Variants in ST3GAL3 observed in about 807,000 individuals in gnomAD.
ST3GAL3 encodes CMP-N-acetylneuraminate-beta-1,4-galactoside alpha-2,3-sialyltransferase.
In ST3GAL3, 21 loss-of-function variants were observed where a neutral mutation model predicts 50.1. The ratio of observed to expected loss-of-function variants is 0.42; its 90% confidence interval spans 0.30 to 0.60. The LOEUF (loss-of-function observed/expected upper bound fraction) is 0.60, where lower values mean the gene tolerates loss of function less well. Ranked by LOEUF, ST3GAL3 falls within the 20% of genes least tolerant of loss-of-function variation. The probability of loss-of-function intolerance (pLI) is 0.19; values close to 1 mark genes in which losing one functional copy is unlikely to be tolerated. For missense variants in ST3GAL3, 353 were observed against 489.4 expected (o/e 0.72, Z 2.63); for synonymous variants, 183 against 190.0 (o/e 0.96, Z 0.30).
At chr1:43,769,947 G>A (rs557547763) in intron 2 of ST3GAL3, among the ~76,000 whole-genome samples, 17 of 152,122 alleles carry the variant, frequency 1.1e-4, no homozygotes, top group Admixed American at 2.6e-4. Context: ...ATAAAGAAGC[G>A]AGTACAGAAT....
At chr1:43,783,661 A>G (rs2154144562) in intron 2 of ST3GAL3, among the ~76,000 whole-genome samples, 1 of 152,276 alleles carries the variant, frequency 6.6e-6, no homozygotes, top group African/African-American at 2.4e-5. Context: ...TCAGCAGCAC[A>G]TGCCTAGTTC....
At chr1:43,728,862 C>CGT (rs1457686224) in intron 1 of ST3GAL3, among the ~76,000 whole-genome samples, 15 of 151,906 alleles carry the variant, frequency 9.9e-5, no homozygotes, top group Non-Finnish European at 1.5e-4. Flanking sequence ...CACATATGTA[C>CGT]ATATACACAC....
At chr1:43,848,052 G>A (rs533500879) in intron 5 of ST3GAL3, among the ~76,000 whole-genome samples, 29 of 152,164 alleles carry the variant, frequency 1.9e-4, no homozygotes, top group African/African-American at 6.5e-4. Context: ...TTTTAAAAAT[G>A]TTTTGGCTAG....
At chr1:43,808,467 G>GA (rs538987721) in intron 3 of ST3GAL3, among the ~76,000 whole-genome samples, 83 of 151,884 alleles carry the variant, frequency 5.5e-4, no homozygotes, top group African/African-American at 1.9e-3. Flanking sequence ...AAACGACTGA[G>GA]AAAAAAACAG....
rs553120567 is a variant in ST3GAL3, at chr1:43,930,172, G to A, written c.1079G>A (p.Arg360Gln). The A allele has an allele frequency of 3.5e-4, 563 of 1,614,142 alleles. 3 individuals are homozygous for A. In the South Asian group the frequency reaches 4.8e-3, roughly 14 times the overall value. ...ATCCAGCGAGAGAAAGAGTTTCTGC[G>A]GAAGCTGGTGAAAGCTCGCGTCATC... ...HNIQREKEFL[R>Q]KLVKARVITD... is the part of the protein sequence containing the mutation. The change falls in exon 12 of 12, where the codon CGG becomes CAG. Residue 360 changes from arginine (R) to glutamine (Q), a missense_variant. Arg to Gln is a conservative substitution (Grantham distance 43, BLOSUM62 1). Coordinates refer to ENST00000347631, the MANE Select transcript of ST3GAL3 (RefSeq NM_006279.5).
chr1:43,711,591 C>G (rs1664797734), intron 1 of ST3GAL3, among the ~76,000 whole-genome samples: 1 of 152,194 alleles, frequency 6.6e-6, no homozygotes, highest in Non-Finnish European at 1.5e-5. Flanking sequence ...CAAACATTGA[C>G]AGTAGCAAGA....
chr1:43,852,438 G>A (rs1558581314), intron 5 of ST3GAL3, among the ~76,000 whole-genome samples: 1 of 152,130 alleles, frequency 6.6e-6, no homozygotes, highest in Non-Finnish European at 1.5e-5. Flanking sequence ...CTCACACATA[G>A]CTTTGTTATT....
In ST3GAL3 at chr1:43,773,056, A is replaced by AT. The variant is rs1437241397; in HGVS notation, c.119-19039dup. Among the ~76,000 whole-genome samples the AT allele has an allele frequency of 4.6e-5, 7 of 152,238 alleles. No individual in the cohort carries two copies. The East Asian group carries it at 1.2e-3, about 25-fold the overall frequency. ...GCCACCTCGCCAGGCCTATTCTCAA[A>AT]TTTTTTTAAAAAAATCACTCTATTT... On this transcript the variant is annotated intron_variant, in intron 2 of 11. Coordinates refer to ENST00000347631, the MANE Select transcript of ST3GAL3 (RefSeq NM_006279.5).
intron 3 of ST3GAL3, among the ~76,000 whole-genome samples, chr1:43,804,372 T>A (rs2059644845): frequency 6.6e-6 from 1 of 152,150 alleles, no homozygotes; most frequent in Non-Finnish European, 1.5e-5. Flanking sequence ...TTCCTAAAGA[T>A]GATGCTTAAA....
chr1:43,917,591 A>AT (rs2082168647), intron 9 of ST3GAL3, among the ~76,000 whole-genome samples: 2 of 44,970 alleles, frequency 4.4e-5, no homozygotes, highest in South Asian at 1.4e-3. Context: ...CGTATTATAT[A>AT]TAATATATAT....
intron 1 of ST3GAL3, among the ~76,000 whole-genome samples, chr1:43,735,681 C>T (rs1453154103): frequency 6.6e-6 from 1 of 152,194 alleles, no homozygotes; most frequent in East Asian, 1.9e-4. Context: ...CTGAGCCTCA[C>T]CATATCCAGA....
At chr1:43,894,137 C>T (rs1176605034) in intron 5 of ST3GAL3, 1 of 525,792 alleles carries the variant, frequency 1.9e-6, no homozygotes, top group East Asian at 3.5e-5. Flanking sequence ...CAAATCTTGT[C>T]TCTCCACTCC....
At chr1:43,738,724 C>T (rs572552960) in intron 2 of ST3GAL3, 3 of 152,358 alleles carry the variant, frequency 2.0e-5, no homozygotes, top group Admixed American at 6.5e-5. Flanking sequence ...TCTCAAACTC[C>T]TGGGCTCAAG....
At chr1:43,901,259 C>CA (rs1400193125) in intron 9 of ST3GAL3, among the ~76,000 whole-genome samples, 2 of 152,234 alleles carry the variant, frequency 1.3e-5, no homozygotes, top group African/African-American at 4.8e-5. Context: ...GGGCACCTGT[C>CA]ACAGCCTCCC....
intron 2 of ST3GAL3, among the ~76,000 whole-genome samples, chr1:43,761,732 C>G (rs1690435999): frequency 6.6e-6 from 1 of 151,430 alleles, no homozygotes; most frequent in South Asian, 2.1e-4. Flanking sequence ...GGGCGGATCA[C>G]GAGGTCAGGA....
In ST3GAL3 at chr1:43,899,785, A is replaced by G. The variant is rs783304; in HGVS notation, c.744+58A>G. ...TTGCCCTGGGCTTCCGCAACTCCTA[A>G]GCAATCCCGCCCCTTGAATGCAGCA... On this transcript the variant is annotated intron_variant, in intron 9 of 11. Transcript: ENST00000347631. This position sits in a 1 kb window ranked among gnomAD's most constrained non-coding sequence, Gnocchi z 5.4. 0.17 allele frequency: 257,071 copies of G among 1,501,974 alleles called. 26,416 individuals carry two copies. The highest frequency in any genetic ancestry group is 0.43 in the African/African-American group (31,167 of 72,886). 93.0% of individuals were successfully genotyped at this position (1,501,974 alleles called of 1,614,324 possible).
At chr1:43,772,219 T>C (rs1051554403) in intron 2 of ST3GAL3, 2 of 388,916 alleles carry the variant, frequency 5.1e-6, no homozygotes, top group African/African-American at 2.1e-5. Context: ...CTGGCTAATT[T>C]TGATTTTTAG....
chr1:43,881,286 C>T (rs1248991435), intron 5 of ST3GAL3, among the ~76,000 whole-genome samples: 5 of 152,258 alleles, frequency 3.3e-5, no homozygotes, highest in African/African-American at 1.2e-4. Context: ...GTTGGGATTA[C>T]AGGCGTGAGC....
intron 2 of ST3GAL3, among the ~76,000 whole-genome samples, chr1:43,739,538 T>C (rs1489140761): frequency 6.6e-6 from 1 of 152,208 alleles, no homozygotes; most frequent in African/African-American, 2.4e-5. Context: ...TTTATTATTA[T>C]ATTATTCATT....
Sources: gnomAD v4.1 joint callset for allele counts (sites outside exome capture counted in the v4.1 genomes callset) on GRCh38, gnomAD v4.1.1 for gene constraint, Gnocchi (gnomAD v3.1) non-coding constraint, MANE v1.5 for transcripts, NCBI Gene and HGNC (gene_info 2026-07-23, HGNC 2026-07-21) for gene names.